The following DNMT3A variants were observed in gnomAD, a reference collection of about 807,000 sequenced individuals.
DNMT3A encodes the protein DNA (cytosine-5)-methyltransferase 3A.
DNMT3A carries 267 observed loss-of-function variants against 117.6 expected under a neutral mutation model. The observed-to-expected ratio is 2.27, with a 90% confidence interval of 2.05 to 2.51. The LOEUF (loss-of-function observed/expected upper bound fraction) is 2.51. DNMT3A is among the 30% of genes most tolerant of loss of function. The probability of loss-of-function intolerance (pLI) is 0.00; values close to 1 mark genes in which losing one functional copy is unlikely to be tolerated. For synonymous variants in DNMT3A, 432 were observed against 474.8 expected (o/e 0.91, Z 1.17); for missense variants, 1,029 against 1,260.2 (o/e 0.82, Z 2.78).
Position 25,314,014 on chromosome 2 carries a change from G to A in DNMT3A, c.-30C>T, listed in dbSNP as rs888648144. ...GCGCCGGGAGGCAGGCTGGGGCTGCGCGGGGCTGGGGGGCTGCTGGGCTTT... is the reference window on the plus strand; with the variant it reads ...GCGCCGGGAGGCAGGCTGGGGCTGCACGGGGCTGGGGGGCTGCTGGGCTTT... On this transcript the variant is annotated 5_prime_UTR_variant, in exon 2 of 23. Coordinates refer to ENST00000321117, the MANE Select transcript of DNMT3A (RefSeq NM_022552.5). 1.2e-5 allele frequency: 18 copies of A among 1,522,298 alleles called. No individual in the cohort carries two copies. The highest frequency in any genetic ancestry group is 1.8e-4 in the Middle Eastern group (1 of 5,698). The allele number at this position is 1,522,298 out of a possible 1,614,324, so 94.3% of individuals were successfully genotyped here.
Position 25,244,230 on chromosome 2 carries a change from G to C in DNMT3A, c.1776C>G (p.Tyr592Ter), listed in dbSNP as rs758063797. 1.2e-6 allele frequency: 2 copies of C among 1,614,048 alleles called. No homozygotes were observed. Among genetic ancestry groups the C allele is most frequent in the Non-Finnish European group, 1.7e-6 (2 of 1,180,036 alleles). ...NCYMCGHKGT[Y>*]GLLRRREDWP... Reference sequence around the variant, plus strand: ...AGTCCTCTCGCCGCCGCAGCAGCCCGTAGGTACCCTTGTGCCCGCACATGT... The same window carrying C: ...AGTCCTCTCGCCGCCGCAGCAGCCCCTAGGTACCCTTGTGCCCGCACATGT... The change falls in exon 15 of 23, where the codon TAC becomes TAG. Residue 592 changes from tyrosine (Y) to a stop codon, truncating the protein, a stop_gained. Coordinates refer to ENST00000321117, the MANE Select transcript of DNMT3A (RefSeq NM_022552.5). LOFTEE classifies it high-confidence loss of function.
At chr2:25,256,014 G>A (rs1676084755) in intron 6 of DNMT3A, among the ~76,000 whole-genome samples, 1 of 152,108 alleles carries the variant, frequency 6.6e-6, no homozygotes. Flanking sequence ...ATCCCACCAG[G>A]ACATTTACCA....
intron 3 of DNMT3A, among the ~76,000 whole-genome samples, chr2:25,291,028 G>A (rs919639152): frequency 7.9e-5 from 12 of 152,176 alleles, no homozygotes; most frequent in African/African-American, 2.7e-4. Context: ...TCACCGTCAC[G>A]TGCACAGACT....
At chr2:25,289,141 G>A (rs1446211511) in intron 3 of DNMT3A, among the ~76,000 whole-genome samples, 1 of 146,476 alleles carries the variant, frequency 6.8e-6, no homozygotes, top group Non-Finnish European at 1.5e-5. Context: ...GTCTCGCTCT[G>A]TTGCCCAGGC....
At chr2:25,325,437 C>T (rs896239203) in intron 1 of DNMT3A, among the ~76,000 whole-genome samples, 15 of 152,122 alleles carry the variant, frequency 9.9e-5, no homozygotes, top group African/African-American at 3.4e-4. Flanking sequence ...AAGCGGCCCA[C>T]GGTCATCTGC....
At chr2:25,283,227 T>C (rs1433769376) in intron 3 of DNMT3A, among the ~76,000 whole-genome samples, 1 of 151,988 alleles carries the variant, frequency 6.6e-6, no homozygotes, top group Admixed American at 6.6e-5. Flanking sequence ...TTGGGGATGG[T>C]GGTGCATGCC....
chr2:25,275,261 T>TG lies in DNMT3A; in HGVS notation c.493-175dup, dbSNP rs1390844654. ...GAGCGAGGGGCATGTGTGGCGGGGGTGGGGGGGCACATGGACACGGCCACA... is the reference window on the plus strand; with the variant it reads ...GAGCGAGGGGCATGTGTGGCGGGGGTGGGGGGGGCACATGGACACGGCCACA... On this transcript the variant is annotated intron_variant, in intron 5 of 22. Transcript: ENST00000321117. Among the ~76,000 whole-genome samples, 373 of 128,410 alleles carry TG rather than the reference T, an allele frequency of 2.9e-3. 3 individuals carry two copies. Among genetic ancestry groups the TG allele is most frequent in the African/African-American group, 0.01 (352 of 34,554 alleles). 84.2% of individuals were successfully genotyped at this position (128,410 alleles called of 152,430 possible).
In DNMT3A at chr2:25,282,254, T is replaced by C; in HGVS notation, c.448+187A>G. The stretch of plus-strand genomic sequence containing the variant: ...AATTTTTTAAATGTTTAAAACACTC[T>C]ATGGGCCAAATAAAACATATGCGCA... On this transcript the variant is annotated intron_variant, in intron 4 of 22. Transcript: ENST00000321117. The surrounding 1 kb of genome is among the most constrained non-coding windows in gnomAD (Gnocchi z 5.2). 2 of 1,383,406 alleles carry C rather than the reference T, an allele frequency of 1.4e-6. No individual in the cohort carries two copies. The highest frequency in any genetic ancestry group is 1.9e-6 in the Non-Finnish European group (2 of 1,069,766). 85.7% of individuals were successfully genotyped at this position (1,383,406 alleles called of 1,614,324 possible). A position where few individuals can be genotyped will look rare whatever the true frequency, so the allele number is the denominator to read the frequency against.
At chr2:25,258,149 G>T (rs887014510) in intron 6 of DNMT3A, among the ~76,000 whole-genome samples, 26 of 152,234 alleles carry the variant, frequency 1.7e-4, no homozygotes, top group African/African-American at 6.3e-4. Flanking sequence ...CTAGGAATCT[G>T]GTTCTCAGAG....
chr2:25,263,171 A>G (rs1367913097), intron 6 of DNMT3A, among the ~76,000 whole-genome samples: 4 of 152,060 alleles, frequency 2.6e-5, no homozygotes, highest in Admixed American at 6.5e-5. Flanking sequence ...CCTGGGCTCA[A>G]GCAATCCTCC....
At chr2:25,270,632 G>A (rs937705167) in intron 6 of DNMT3A, among the ~76,000 whole-genome samples, 5 of 152,076 alleles carry the variant, frequency 3.3e-5, no homozygotes, top group African/African-American at 9.7e-5. Flanking sequence ...GATCTAGGAG[G>A]GTGGGTAAGG....
chr2:25,342,133 G>C (rs1421770249), upstream of DNMT3A, among the ~76,000 whole-genome samples: 3 of 140,606 alleles, frequency 2.1e-5, no homozygotes, highest in Non-Finnish European at 4.7e-5. The surrounding 1 kb of genome is among the most constrained non-coding windows in gnomAD (Gnocchi z 5.9). Context: ...CCCCGGCCCC[G>C]GCGCTGCGGA....
rs1672713150 is a variant in DNMT3A at position 25,227,942 on chromosome 2, C to G, written c.*6337G>C. Reference sequence around the variant, plus strand: ...CCAGCACAAGTACATTAGAAAGGAGCTTTATTATATTCTTCTGGGCACAAA... The same window carrying G: ...CCAGCACAAGTACATTAGAAAGGAGGTTTATTATATTCTTCTGGGCACAAA... On this transcript the variant is annotated 3_prime_UTR_variant, in exon 23 of 23. Transcript: ENST00000321117. 1 of 151,786 alleles carries G rather than the reference C, an allele frequency of 6.6e-6. No homozygotes were observed. The highest frequency in any genetic ancestry group is 6.6e-5 in the Admixed American group (1 of 15,224). 9.4% of individuals were successfully genotyped at this position (151,786 alleles called of 1,614,324 possible). A position where few individuals can be genotyped will look rare whatever the true frequency, so the allele number is the denominator to read the frequency against.
chr2:25,246,615 T>C lies in DNMT3A; in HGVS notation c.1279+5A>G. ...GGTCCCAGAAAGCTGGGTGCCCTCA[T>C]TTACCTTCTGGTGGCTCCAGGCCCT... On this transcript the variant is annotated splice_donor_5th_base_variant and intron_variant, in intron 10 of 22. Coordinates refer to ENST00000321117, the MANE Select transcript of DNMT3A (RefSeq NM_022552.5). 2 of 1,607,444 alleles carry C rather than the reference T, an allele frequency of 1.2e-6. No individual in the cohort carries two copies.
At chr2:25,242,246 T>C (rs949199600) in intron 16 of DNMT3A, among the ~76,000 whole-genome samples, 2 of 151,830 alleles carry the variant, frequency 1.3e-5, no homozygotes, top group Non-Finnish European at 2.9e-5. Context: ...CTCAGCCCTC[T>C]CGTGGATTGC....
At chr2:25,256,316 C>T (rs1264904626) in intron 6 of DNMT3A, among the ~76,000 whole-genome samples, 1 of 152,170 alleles carries the variant, frequency 6.6e-6, no homozygotes, top group African/African-American at 2.4e-5. Flanking sequence ...ATGAAGCCCA[C>T]GCTTTGCCCG....
Position 25,304,536 on chromosome 2 carries a change from C to A in DNMT3A, c.73-4293G>T, listed in dbSNP as rs942193539. On this transcript the variant is annotated intron_variant, in intron 2 of 22. Coordinates refer to ENST00000321117, the MANE Select transcript of DNMT3A (RefSeq NM_022552.5). This position sits in a 1 kb window ranked among gnomAD's most constrained non-coding sequence, Gnocchi z 4.3. ...CACACAGAGCCCAACATCTGGCGGG[C>A]GCTCTTGCCGCAAGATATGTGGCAA... 3.9e-5 allele frequency among the ~76,000 whole-genome samples: 6 copies of A among 152,208 alleles called. No individual in the cohort carries two copies. Among genetic ancestry groups the A allele is most frequent in the Non-Finnish European group, 2.9e-5 (2 of 68,038 alleles).
chr2:25,307,824 C>T (rs570196586), intron 2 of DNMT3A, among the ~76,000 whole-genome samples: 1 of 152,164 alleles, frequency 6.6e-6, no homozygotes, highest in Non-Finnish European at 1.5e-5. Context: ...GGGCGACTCA[C>T]CTTATCAGCA....
chr2:25,259,750 T>C (rs1251153593), intron 6 of DNMT3A, among the ~76,000 whole-genome samples: 2 of 151,584 alleles, frequency 1.3e-5, no homozygotes, highest in Non-Finnish European at 2.9e-5. Context: ...GCTCCAGGGG[T>C]CAAAGGGAGG....
Sources: gnomAD v4.1 joint callset for allele counts (sites outside exome capture counted in the v4.1 genomes callset) on GRCh38, gnomAD v4.1.1 for gene constraint, Gnocchi (gnomAD v3.1) non-coding constraint, MANE v1.5 for transcripts, NCBI Gene and HGNC (gene_info 2026-07-23, HGNC 2026-07-21) for gene names.